NEK11: variants seen among roughly 807,000 people sequenced by gnomAD.
NEK11 encodes the protein NIMA related kinase 11.
NEK11 carries 72 observed loss-of-function variants against 80.7 expected under a neutral mutation model. That is an observed-to-expected ratio of 0.89 (90% confidence interval 0.74 to 1.08). NEK11 has a LOEUF of 1.08. Ranked by LOEUF, NEK11 falls within the 50% of genes least tolerant of loss-of-function variation. The pLI, the probability that NEK11 is intolerant of heterozygous loss-of-function variation, is 0.00. For missense variants in NEK11, 764 were observed against 763.6 expected (o/e 1.00, Z -0.01); for synonymous variants, 251 against 260.7 (o/e 0.96, Z 0.36).
chr3:131,080,039 T>TTGTG (rs34144326), intron 3 of NEK11, among the ~76,000 whole-genome samples: 3,991 of 148,890 alleles, frequency 0.027, 85 homozygotes, highest in African/African-American at 0.058. Flanking sequence ...GTGTGTGTGT[T>TTGTG]TGTGTGTGTG....
chr3:131,075,754 G>C (rs2074245779), intron 3 of NEK11, among the ~76,000 whole-genome samples: 1 of 152,148 alleles, frequency 6.6e-6, no homozygotes, highest in South Asian at 2.1e-4. Context: ...AGTTATTTGT[G>C]GTAACACCTG....
At chr3:131,200,256 G>T (rs970628176) in intron 14 of NEK11, among the ~76,000 whole-genome samples, 3 of 152,130 alleles carry the variant, frequency 2.0e-5, no homozygotes, top group Non-Finnish European at 4.4e-5. Flanking sequence ...GTAAATCAAG[G>T]TAATGAAAAT....
At chr3:131,264,747 G>A (rs2096012365) in intron 16 of NEK11, among the ~76,000 whole-genome samples, 1 of 152,256 alleles carries the variant, frequency 6.6e-6, no homozygotes, top group Admixed American at 6.5e-5. Context: ...CCAATTCTGT[G>A]AAGAAAGTCA....
intron 3 of NEK11, among the ~76,000 whole-genome samples, chr3:131,055,410 A>G (rs992655972): frequency 1.3e-5 from 2 of 152,142 alleles, no homozygotes; most frequent in African/African-American, 2.4e-5. Context: ...ATACAAATAT[A>G]TAATATACTA....
chr3:131,031,237 T>C (rs1457103021), intron 3 of NEK11, among the ~76,000 whole-genome samples: 1 of 152,260 alleles, frequency 6.6e-6, no homozygotes, highest in Non-Finnish European at 1.5e-5. Flanking sequence ...TTTTAGTCAA[T>C]TTCTACATGA....
At chr3:131,099,847 A>T (rs545320435) in intron 4 of NEK11, among the ~76,000 whole-genome samples, 3 of 152,318 alleles carry the variant, frequency 2.0e-5, no homozygotes, top group South Asian at 2.1e-4. Context: ...AAAATTGTTT[A>T]TCACTTCTAA....
intron 4 of NEK11, 51 bp downstream of exon 4, chr3:131,080,639 T>TA: frequency 6.7e-7 from 1 of 1,499,916 alleles, no homozygotes; most frequent in African/African-American, 1.4e-5. Context: ...TGCTGAATGG[T>TA]AAAAAGCCTT....
At chr3:131,064,054 T>C (rs543328716) in intron 3 of NEK11, among the ~76,000 whole-genome samples, 16 of 152,302 alleles carry the variant, frequency 1.1e-4, no homozygotes, top group African/African-American at 3.8e-4. Flanking sequence ...GAAAACAATA[T>C]GCTAAGTGGA....
chr3:131,143,408 G>A (rs543005627), intron 7 of NEK11, among the ~76,000 whole-genome samples: 2 of 152,094 alleles, frequency 1.3e-5, no homozygotes, highest in Non-Finnish European at 2.9e-5. Context: ...TGTGTGGTTT[G>A]TGTTCCTTCA....
rs1218261341 is a variant in NEK11 at position 131,174,835 on chromosome 3, G to A, written c.1399+3948G>A. 3.8e-6 allele frequency: 6 copies of A among 1,597,128 alleles called. No individual in the cohort carries two copies. The African/African-American group carries it at 8.1e-5, about 21-fold the overall frequency. ...GAATAGCCTGAGACTCTAGGGCCTG[G>A]GTCTACAAGGAGCATGACTCCCTAC... On this transcript the variant is annotated intron_variant, in intron 14 of 17. Transcript: ENST00000383366.
At chr3:131,056,089 G>A (rs532242298) in intron 3 of NEK11, among the ~76,000 whole-genome samples, 6 of 152,150 alleles carry the variant, frequency 3.9e-5, no homozygotes, top group Non-Finnish European at 5.9e-5. Context: ...TGGGGAGAAG[G>A]GGTACTTGGG....
chr3:131,271,373 G>A (rs1025821804), intron 16 of NEK11, among the ~76,000 whole-genome samples: 5 of 152,228 alleles, frequency 3.3e-5, no homozygotes, highest in African/African-American at 1.2e-4. Flanking sequence ...ACAGAATTAA[G>A]CTGGAGAATA....
Position 131,132,766 on chromosome 3 carries a change from A to G in NEK11, c.477A>G (p.Leu159=), listed in dbSNP as rs2084748111. 1.3e-6 allele frequency: 2 copies of G among 1,532,612 alleles called. No individual in the cohort carries two copies. Among genetic ancestry groups the G allele is most frequent in the Non-Finnish European group, 8.9e-7 (1 of 1,124,446 alleles). 94.9% of individuals were successfully genotyped at this position (1,532,612 alleles called of 1,614,324 possible). Residue 159 remains leucine (L), a synonymous_variant, in exon 6 of 18, where the codon TTA becomes TTG. Transcript: ENST00000383366. The part of the protein sequence containing the change: ...MHERRILHRD[L]KSKNVFLKNN... ...GTAGGAGGATACTTCATCGAGACTT[A>G]AAGTCAAAGAATGTATTTCTGAAAA...
At position 131,039,972 on chromosome 3, in the gene NEK11, A is replaced by G. The variant is rs187530475; in HGVS notation, c.170+10094A>G. Among the ~76,000 whole-genome samples, 463 of 152,304 alleles carry G rather than the reference A, an allele frequency of 3.0e-3. 1 individual carries two copies. The highest frequency in any genetic ancestry group is 6.8e-3 in the Middle Eastern group (2 of 294). Reference sequence around the variant, plus strand: ...TTGGAAAGAGTAATTTGTAAATTTAATTAAGAGTAATTTGTACATCTATGT... The same window carrying G: ...TTGGAAAGAGTAATTTGTAAATTTAGTTAAGAGTAATTTGTACATCTATGT... On this transcript the variant is annotated intron_variant, in intron 3 of 17. Transcript: ENST00000383366.
At chr3:131,148,676 T>C (rs1474344271) in intron 7 of NEK11, among the ~76,000 whole-genome samples, 2 of 151,836 alleles carry the variant, frequency 1.3e-5, no homozygotes, top group Non-Finnish European at 2.9e-5. Flanking sequence ...ACTTCTGTTG[T>C]CTATCTCAGT....
At chr3:131,229,647 C>A (rs1293559765) in intron 15 of NEK11, among the ~76,000 whole-genome samples, 1 of 151,976 alleles carries the variant, frequency 6.6e-6, no homozygotes, top group East Asian at 1.9e-4. Flanking sequence ...ATCCATTCAA[C>A]CATTTTAATA....
At chr3:131,316,624 T>C (rs1488413035) in intron 17 of NEK11, among the ~76,000 whole-genome samples, 1 of 151,910 alleles carries the variant, frequency 6.6e-6, no homozygotes, top group Non-Finnish European at 1.5e-5. Flanking sequence ...GTTTTTGCTT[T>C]TTTGTTTTTC....
intron 17 of NEK11, among the ~76,000 whole-genome samples, chr3:131,347,031 C>T (rs2110534514): frequency 6.6e-6 from 1 of 152,114 alleles, no homozygotes; most frequent in East Asian, 1.9e-4. Context: ...AGAGAATGAC[C>T]AGGGTTTGGT....
chr3:131,293,873 A>G (rs2096568224), intron 17 of NEK11, among the ~76,000 whole-genome samples: 1 of 152,072 alleles, frequency 6.6e-6, no homozygotes, highest in South Asian at 2.1e-4. Flanking sequence ...AGAGTCCCTC[A>G]TAGTATTGTT....
Sources: gnomAD v4.1 joint callset for allele counts (sites outside exome capture counted in the v4.1 genomes callset) on GRCh38, gnomAD v4.1.1 for gene constraint, MANE v1.5 for transcripts, NCBI Gene and HGNC (gene_info 2026-07-23, HGNC 2026-07-21) for gene names.